ZRANB3: variants seen among roughly 807,000 people sequenced by gnomAD.
ZRANB3 encodes zinc finger RANBP2-type containing 3, also known as DNA annealing helicase and endonuclease ZRANB3.
ZRANB3 carries 125 observed loss-of-function variants against 133.8 expected under a neutral mutation model. The ratio of observed to expected loss-of-function variants is 0.93; its 90% confidence interval spans 0.81 to 1.08. The LOEUF (loss-of-function observed/expected upper bound fraction) is 1.08. ZRANB3 is among the 50% of genes least tolerant of loss of function. The probability of loss-of-function intolerance (pLI) is 0.00; values close to 1 mark genes in which losing one functional copy is unlikely to be tolerated. For missense variants in ZRANB3, 1,229 were observed against 1,275.5 expected, an observed-to-expected ratio of 0.96 and a Z score of 0.56; for synonymous variants, 387 against 432.7, an observed-to-expected ratio of 0.89 and a Z score of 1.31.
At chr2:135,235,425 T>G (rs1285473486) in intron 12 of ZRANB3, among the ~76,000 whole-genome samples, 3 of 152,206 alleles carry the variant, frequency 2.0e-5, no homozygotes, top group Non-Finnish European at 2.9e-5. Flanking sequence ...GAATCCTCCC[T>G]AACTCACTTT....
intron 2 of ZRANB3, among the ~76,000 whole-genome samples, 188 bp from the exon 3 acceptor site, chr2:135,391,008 G>A (rs910711177): frequency 3.0e-4 from 46 of 151,900 alleles, no homozygotes; most frequent in African/African-American, 2.4e-5. Context: ...CTACAGATGC[G>A]TGTCACCACG....
chr2:135,525,064 A>G (rs1239621796), intron 1 of ZRANB3, among the ~76,000 whole-genome samples: 1 of 152,184 alleles, frequency 6.6e-6, no homozygotes, highest in African/African-American at 2.4e-5. Context: ...ACTTCTAGCC[A>G]TAGGAAGAAA....
intron 20 of ZRANB3, among the ~76,000 whole-genome samples, chr2:135,200,684 T>C (rs1038857946): frequency 6.6e-6 from 1 of 150,942 alleles, no homozygotes; most frequent in Non-Finnish European, 1.5e-5. Flanking sequence ...GATGTCTTGC[T>C]ACCCAGCAAC....
chr2:135,273,932 G>A (rs367777478), intron 9 of ZRANB3, among the ~76,000 whole-genome samples: 11 of 152,172 alleles, frequency 7.2e-5, no homozygotes, highest in Admixed American at 5.2e-4. Flanking sequence ...ACTTGGAATC[G>A]ATCCCAGTAG....
intron 1 of ZRANB3, among the ~76,000 whole-genome samples, chr2:135,516,294 T>C (rs1457353705): frequency 6.6e-6 from 1 of 152,218 alleles, no homozygotes; most frequent in Non-Finnish European, 1.5e-5. Flanking sequence ...TATATGTGAA[T>C]CTGATCCTGT....
At chr2:135,225,328 T>C (rs1278881913) in intron 14 of ZRANB3, among the ~76,000 whole-genome samples, 2 of 152,218 alleles carry the variant, frequency 1.3e-5, no homozygotes, top group East Asian at 3.8e-4. Flanking sequence ...TAAAGTACTT[T>C]CCCAGACCTA....
intron 12 of ZRANB3, among the ~76,000 whole-genome samples, chr2:135,234,744 A>G (rs1171816466): frequency 1.3e-5 from 2 of 152,236 alleles, no homozygotes; most frequent in Non-Finnish European, 2.9e-5. Flanking sequence ...AATCAATGAG[A>G]ACGAAGACAC....
intron 2 of ZRANB3, among the ~76,000 whole-genome samples, chr2:135,420,091 TTATATATATATATATATATA>T (rs201217358): frequency 2.8e-5 from 2 of 72,484 alleles, no homozygotes; most frequent in African/African-American, 7.7e-5. Flanking sequence ...TATCTTAGAT[TTATATATATATATATATATA>T]TATATATATA....
chr2:135,224,471 C>T lies in ZRANB3; in HGVS notation c.2205G>A (p.Met735Ile), dbSNP rs1694679537. The part of the protein sequence containing the change: ...SDTLPVYDTL[M>I]FCASRNTDRI... Reference sequence around the variant, plus strand: ...GGTCAGTATTCCTACTTGCACAGAACATTAAGGTGTCATACACTGGCAAAG... The same window carrying T: ...GGTCAGTATTCCTACTTGCACAGAATATTAAGGTGTCATACACTGGCAAAG... Residue 735 changes from methionine to isoleucine, a missense_variant, in exon 15 of 21, where the codon ATG (methionine) becomes ATA (isoleucine). Met to Ile is a conservative substitution (Grantham distance 10, BLOSUM62 1). Transcript: ENST00000264159. The T allele has an allele frequency of 2.5e-6, 4 of 1,613,424 alleles. No individual in the cohort carries two copies. The highest frequency in any genetic ancestry group is 1.1e-5 in the South Asian group (1 of 90,992).
chr2:135,509,554 C>G (rs1165610477), intron 1 of ZRANB3, among the ~76,000 whole-genome samples: 1 of 151,918 alleles, frequency 6.6e-6, no homozygotes, highest in African/African-American at 2.4e-5. Context: ...AAACAATTGC[C>G]AAGACTAAAA....
At chr2:135,425,049 A>G (rs563485824) in intron 2 of ZRANB3, among the ~76,000 whole-genome samples, 9 of 152,348 alleles carry the variant, frequency 5.9e-5, no homozygotes, top group African/African-American at 2.2e-4. Flanking sequence ...CAGAGGGAGC[A>G]ATGCCTACAA....
In ZRANB3 at chr2:135,387,852, T is replaced by C. The variant is rs142784451; in HGVS notation, c.180+2950A>G. Among the ~76,000 whole-genome samples, 787 of 152,292 alleles carry C rather than the reference T, an allele frequency of 5.2e-3. 20 individuals are homozygous for C. Among genetic ancestry groups the C allele is most frequent in the Admixed American group, 0.043 (650 of 15,278 alleles). On this transcript the variant is annotated intron_variant, in intron 3 of 20. Coordinates refer to ENST00000264159, the MANE Select transcript of ZRANB3 (RefSeq NM_032143.4). ...TCAGCCAAATGTGAAAAGTGCTATG[T>C]AATTGTAAATCACAAGAAATGGAAA...
intron 17 of ZRANB3, among the ~76,000 whole-genome samples, chr2:135,217,218 T>C (rs1468665197): frequency 6.6e-6 from 1 of 152,222 alleles, no homozygotes; most frequent in African/African-American, 2.4e-5. Flanking sequence ...GACTCTGGTC[T>C]TTTTGTTGAT....
intron 3 of ZRANB3, among the ~76,000 whole-genome samples, chr2:135,358,578 G>T (rs1685538817): frequency 6.6e-6 from 1 of 151,874 alleles, no homozygotes; most frequent in Admixed American, 6.6e-5. Context: ...AAAAAAATAC[G>T]ACTGCCATTT....
intron 6 of ZRANB3, among the ~76,000 whole-genome samples, chr2:135,342,907 G>A (rs1684747111): frequency 7.0e-6 from 1 of 142,804 alleles, no homozygotes; most frequent in Non-Finnish European, 1.5e-5. Context: ...GCTCACACCT[G>A]TAATCCCAGC....
At chr2:135,266,856 C>G (rs990034931) in intron 11 of ZRANB3, among the ~76,000 whole-genome samples, 3 of 152,140 alleles carry the variant, frequency 2.0e-5, no homozygotes, top group Non-Finnish European at 4.4e-5. Context: ...CTAAGAAGAA[C>G]CTTGGTCTCC....
At chr2:135,373,111 A>T (rs1011321944) in intron 3 of ZRANB3, among the ~76,000 whole-genome samples, 1 of 151,718 alleles carries the variant, frequency 6.6e-6, no homozygotes, top group Non-Finnish European at 1.5e-5. Flanking sequence ...CCATTTGTCT[A>T]GGTGATGAGA....
intron 2 of ZRANB3, among the ~76,000 whole-genome samples, chr2:135,465,541 T>G (rs996576794): frequency 3.9e-5 from 6 of 152,202 alleles, no homozygotes; most frequent in African/African-American, 1.4e-4. Flanking sequence ...ACATATTCAG[T>G]TCATGTTCTG....
At chr2:135,459,048 T>C (rs1690650486) in intron 2 of ZRANB3, among the ~76,000 whole-genome samples, 1 of 152,160 alleles carries the variant, frequency 6.6e-6, no homozygotes, top group African/African-American at 2.4e-5. Flanking sequence ...GAACCCTCTC[T>C]TCCCGTCATG....
Sources: gnomAD v4.1 joint callset for allele counts (sites outside exome capture counted in the v4.1 genomes callset) on GRCh38, gnomAD v4.1.1 for gene constraint, MANE v1.5 for transcripts, NCBI Gene and HGNC (gene_info 2026-07-23, HGNC 2026-07-21) for gene names.